COL6A2: variants seen among roughly 807,000 people sequenced by gnomAD.
COL6A2 encodes collagen alpha-2(VI) chain.
Under a neutral mutation model 124.9 loss-of-function variants are expected in COL6A2, and 90 were observed. That is an observed-to-expected ratio of 0.72 (90% confidence interval 0.61 to 0.86). The LOEUF is 0.86. Among genes scored for constraint, COL6A2 ranks in the 40% least tolerant of loss-of-function variants. COL6A2 has a pLI of 0.00. For synonymous variants in COL6A2, 793 were observed against 618.2 expected, an observed-to-expected ratio of 1.28 and a Z score of -4.19; for missense variants, 1,607 against 1,502.5, an observed-to-expected ratio of 1.07 and a Z score of -1.15.
chr21:46,121,929 G>GCC (rs1043139549), intron 18 of COL6A2, among the ~76,000 whole-genome samples, 179 bp from the exon 19 acceptor site: 1 of 152,140 alleles, frequency 6.6e-6, no homozygotes, highest in African/African-American at 2.4e-5. Context: ...GGCACGTCCA[G>GCC]CCCCCACTGG....
At chr21:46,098,977 C>G (rs1029295231) in intron 1 of COL6A2, 24 of 152,452 alleles carry the variant, frequency 1.6e-4, no homozygotes, top group African/African-American at 5.0e-4. Flanking sequence ...CGAGCGGCGC[C>G]CATCCGGGCT....
chr21:46,129,707 C>G, intron 27 of COL6A2: 1 of 1,412,306 alleles, frequency 7.1e-7, no homozygotes, highest in East Asian at 2.5e-5. Context: ...GTCTCTCCTC[C>G]GTCTTCCTGT....
chr21:46,110,573 C>T (rs926887168), intron 1 of COL6A2, among the ~76,000 whole-genome samples: 3 of 152,254 alleles, frequency 2.0e-5, no homozygotes, highest in Admixed American at 6.5e-5. Flanking sequence ...CTCCAGACGC[C>T]GCAAAATCAC....
chr21:46,100,754 A>G (rs1234453285), intron 1 of COL6A2, among the ~76,000 whole-genome samples: 5 of 152,222 alleles, frequency 3.3e-5, no homozygotes, highest in Non-Finnish European at 7.3e-5. Flanking sequence ...AAGGCTGAGC[A>G]GTATTCCACT....
In COL6A2 at chr21:46,132,651, GGAC is replaced by G. The variant is rs1359128479; in HGVS notation, c.*104_*106del. ...ACACGGCCAGCACCGCTGCTCACTC[GGAC>G]GACGCCCTGGGCCTGCACCTCTCCA... On this transcript the variant is annotated 3_prime_UTR_variant, in exon 28 of 28. Coordinates refer to ENST00000300527, the MANE Select transcript of COL6A2 (RefSeq NM_001849.4). 3.2e-6 allele frequency: 4 copies of G among 1,234,766 alleles called. No individual in the cohort carries two copies. In the African/African-American group the frequency reaches 6.0e-5, roughly 18 times the overall value. 76.5% of individuals were successfully genotyped at this position (1,234,766 alleles called of 1,614,324 possible). A position where few individuals can be genotyped will look rare whatever the true frequency, so the allele number is the denominator to read the frequency against.
At chr21:46,105,916 C>G (rs773285481) in intron 1 of COL6A2, among the ~76,000 whole-genome samples, 14 of 152,210 alleles carry the variant, frequency 9.2e-5, no homozygotes, top group Non-Finnish European at 1.9e-4. Context: ...TCCAAACTCT[C>G]TCTGTTAAAA....
chr21:46,125,549 A>C lies in COL6A2; in HGVS notation c.1901A>C (p.Glu634Ala). ...ESIGYTNFTL[E>A]KNFVINVVNR... ...ATTGGGTACACCAACTTCACACTGGAGAAGAACTTCGTCATCAACGTGGTC... is the reference window on the plus strand; with the variant it reads ...ATTGGGTACACCAACTTCACACTGGCGAAGAACTTCGTCATCAACGTGGTC... The change falls in exon 25 of 28, where the codon GAG (glutamate) becomes GCG (alanine). Residue 634 changes from glutamate to alanine, a missense_variant. Glu to Ala is a moderately radical substitution (Grantham distance 107, BLOSUM62 -1). This residue lies in a region of COL6A2 where 1,223 missense variants were observed against 1,052.2 expected (regional missense o/e 1.16). Coordinates refer to ENST00000300527, the MANE Select transcript of COL6A2 (RefSeq NM_001849.4). 6.2e-7 allele frequency: 1 copy of C among 1,612,778 alleles called. No homozygotes were observed. The highest frequency in any genetic ancestry group is 8.5e-7 in the Non-Finnish European group (1 of 1,179,910).
rs2078532653 is a variant in COL6A2, at chr21:46,119,849, A to C, written c.1331A>C (p.Lys444Thr). Residue 444 changes from lysine (K) to threonine (T), a missense_variant and splice_region_variant, in exon 15 of 28, where the codon AAG becomes ACG. Coordinates refer to ENST00000300527, the MANE Select transcript of COL6A2 (RefSeq NM_001849.4). ...SPGSDGPKGE[K>T]GDPGPEGPRG... The stretch of plus-strand genomic sequence containing the variant: ...GGCAGCGATGGCCCCAAGGGGGAGA[A>C]GGTGAGTCCTCGTGTGGAGGCAGCC... 5 of 1,558,334 alleles carry C rather than the reference A, an allele frequency of 3.2e-6. No individual in the cohort carries two copies. The East Asian group carries it at 7.1e-5, about 22-fold the overall frequency.
At chr21:46,123,703 A>G (rs928230945) in intron 21 of COL6A2, among the ~76,000 whole-genome samples, 92 of 34,072 alleles carry the variant, frequency 2.7e-3, no homozygotes, top group African/African-American at 8.0e-3. Context: ...GTAGGTGGGT[A>G]GATGGATGGG....
intron 1 of COL6A2, among the ~76,000 whole-genome samples, chr21:46,110,546 C>T (rs1216659975): frequency 1.3e-5 from 2 of 152,160 alleles, no homozygotes; most frequent in Non-Finnish European, 2.9e-5. Flanking sequence ...CAGGTCTGGC[C>T]TGGGTCACCT....
At chr21:46,124,192 G>A (rs928103038) in intron 21 of COL6A2, among the ~76,000 whole-genome samples, 1 of 150,412 alleles carries the variant, frequency 6.6e-6, no homozygotes, top group African/African-American at 2.4e-5. Context: ...GTGGATGAAT[G>A]GATGGGTTAG....
chr21:46,112,671 C>G (rs772856604), intron 3 of COL6A2, 94 bp downstream of exon 3: 1 of 1,589,888 alleles, frequency 6.3e-7, no homozygotes, highest in Non-Finnish European at 8.6e-7. Context: ...TCTGTGAGTG[C>G]GGAGGCCGAA....
chr21:46,116,880 C>T lies in COL6A2; in HGVS notation c.999+66C>T. 6.4e-7 allele frequency: 1 copy of T among 1,552,770 alleles called. No individual in the cohort carries two copies. The highest frequency in any genetic ancestry group is 8.9e-7 in the Non-Finnish European group (1 of 1,126,584). ...GAGGCATCCCAGCCTCTGCAGGGCC[C>T]CCAGATCCAGCCTGATCTGTCAGCT... On this transcript the variant is annotated intron_variant, in intron 10 of 27. Coordinates refer to ENST00000300527, the MANE Select transcript of COL6A2 (RefSeq NM_001849.4). This position sits in a 1 kb window ranked among gnomAD's most constrained non-coding sequence, Gnocchi z 4.6.
At position 46,125,591 on chromosome 21, in the gene COL6A2, T is replaced by A; in HGVS notation, c.1943T>A (p.Ile648Asn). The A allele has an allele frequency of 1.2e-6, 2 of 1,610,214 alleles. No homozygotes were observed. Among genetic ancestry groups the A allele is most frequent in the Non-Finnish European group, 1.7e-6 (2 of 1,179,054 alleles). Residue 648 changes from isoleucine to asparagine, a missense_variant, in exon 25 of 28, where the codon ATC (isoleucine) becomes AAC (asparagine). This residue lies in a region of COL6A2 where 1,223 missense variants were observed against 1,052.2 expected (regional missense o/e 1.16). Coordinates refer to ENST00000300527, the MANE Select transcript of COL6A2 (RefSeq NM_001849.4). ...AACGTGGTCAACAGGCTGGGTGCCA[T>A]CGCTAAGGACCCCAAGTCCGAGACA... ...VINVVNRLGA[I>N]AKDPKSETGT...
rs952396632 is a variant in COL6A2, at chr21:46,120,684, C to G, written c.1395+107C>G. The stretch of plus-strand genomic sequence containing the variant: ...GGGACTGCACCCCAAGGTAGGGGAC[C>G]CGGGTGGGTGCTGCACCCCAAGGTA... On this transcript the variant is annotated intron_variant, in intron 16 of 27. Transcript: ENST00000300527. 4.5e-6 allele frequency: 5 copies of G among 1,110,594 alleles called. No individual in the cohort carries two copies. The East Asian group carries it at 1.3e-4, about 29-fold the overall frequency. 68.8% of individuals were successfully genotyped at this position (1,110,594 alleles called of 1,614,324 possible). A position where few individuals can be genotyped will look rare whatever the true frequency, so the allele number is the denominator to read the frequency against.
intron 1 of COL6A2, among the ~76,000 whole-genome samples, chr21:46,101,423 G>A (rs887369983): frequency 1.3e-5 from 2 of 152,080 alleles, no homozygotes; most frequent in African/African-American, 4.8e-5. Flanking sequence ...AAATTTTGGT[G>A]TAATCTGATT....
intron 16 of COL6A2, 108 bp downstream of exon 16, chr21:46,120,685 C>T (rs1353301190): frequency 5.5e-6 from 6 of 1,090,174 alleles, no homozygotes; most frequent in Admixed American, 5.9e-5. Context: ...GTAGGGGACC[C>T]GGGTGGGTGC....
At chr21:46,125,684 G>T in intron 25 of COL6A2, 67 bp downstream of exon 25, 1 of 1,591,922 alleles carries the variant, frequency 6.3e-7, no homozygotes, top group Non-Finnish European at 8.6e-7. Context: ...CGATGAGATG[G>T]GAGAAGTCCA....
Position 46,114,017 on chromosome 21 carries a change from G to T in COL6A2, c.745G>T (p.Val249Leu), listed in dbSNP as rs1454103225. The T allele has an allele frequency of 6.2e-7, 1 of 1,613,766 alleles. No individual in the cohort carries two copies. The highest frequency in any genetic ancestry group is 8.5e-7 in the Non-Finnish European group (1 of 1,179,988). Residue 249 changes from valine (V) to leucine (L), a missense_variant, in exon 5 of 28, where the codon GTG (valine) becomes TTG (leucine). Val to Leu is a conservative substitution (Grantham distance 32). Coordinates refer to ENST00000300527, the MANE Select transcript of COL6A2 (RefSeq NM_001849.4). ...KHEAYGECYK[V>L]SCLEIPGPSG... is the part of the protein sequence containing the mutation. ...TGCTTCCTCGTTTCAGTGCTACAAG[G>T]TGAGCTGCCTGGAAATCCCTGGGCC...
Sources: allele counts gnomAD v4.1 joint callset (sites outside exome capture counted in the v4.1 genomes callset), GRCh38; gene constraint gnomAD v4.1.1; regional missense constraint gnomAD v4.1.1; non-coding constraint Gnocchi (gnomAD v3.1); transcripts MANE v1.5; gene names NCBI Gene and HGNC (gene_info 2026-07-23, HGNC 2026-07-21).